STAG1: variants seen among roughly 807,000 people sequenced by gnomAD.
STAG1 encodes the protein STAG1 cohesin complex component.
A neutral mutation model predicts 170.9 loss-of-function variants in STAG1; 26 were observed. The observed-to-expected ratio is 0.15, with a 90% confidence interval of 0.11 to 0.21. The LOEUF is 0.21. Ranked by LOEUF, STAG1 falls within the 10% of genes least tolerant of loss-of-function variation. The probability of loss-of-function intolerance (pLI) is 1.00; values close to 1 mark genes in which losing one functional copy is unlikely to be tolerated. For missense variants in STAG1, 964 were observed against 1,509.5 expected, an observed-to-expected ratio of 0.64 and a Z score of 5.99; for synonymous variants, 514 against 497.7, an observed-to-expected ratio of 1.03 and a Z score of -0.44.
chr3:136,557,084 A>C (rs1936653390), intron 5 of STAG1, among the ~76,000 whole-genome samples: 1 of 151,886 alleles, frequency 6.6e-6, no homozygotes, highest in African/African-American at 2.4e-5. Flanking sequence ...ATCCCAAACA[A>C]TTAGCCAGGT....
chr3:136,701,329 T>C (rs1943053849), intron 1 of STAG1, among the ~76,000 whole-genome samples: 1 of 152,164 alleles, frequency 6.6e-6, no homozygotes, highest in East Asian at 1.9e-4. Context: ...AAACTGAATT[T>C]TATCCTTGAC....
chr3:136,562,392 C>A (rs951485481), intron 5 of STAG1, among the ~76,000 whole-genome samples: 2 of 151,806 alleles, frequency 1.3e-5, no homozygotes, highest in East Asian at 3.9e-4. Context: ...TCCCAAGCAG[C>A]TGGGATTACG....
intron 1 of STAG1, among the ~76,000 whole-genome samples, chr3:136,686,395 T>C (rs1057018691): frequency 2.0e-5 from 3 of 152,198 alleles, no homozygotes; most frequent in African/African-American, 7.2e-5. Flanking sequence ...ACAGTCAATG[T>C]CAGGGATCCA....
intron 23 of STAG1, among the ~76,000 whole-genome samples, chr3:136,372,836 T>C (rs1937418707): frequency 1.3e-5 from 2 of 152,224 alleles, no homozygotes. Flanking sequence ...CCGCCAGGCT[T>C]TGGTATCAGG....
chr3:136,534,046 T>C (rs900630622), intron 6 of STAG1, among the ~76,000 whole-genome samples: 1 of 152,170 alleles, frequency 6.6e-6, no homozygotes, highest in Non-Finnish European at 1.5e-5. Context: ...AAAGTATTGG[T>C]ATAAAAATAA....
intron 24 of STAG1, among the ~76,000 whole-genome samples, chr3:136,368,772 G>C (rs896451108): frequency 6.6e-5 from 10 of 152,182 alleles, no homozygotes; most frequent in Non-Finnish European, 1.5e-4. Context: ...AGTATTAAAG[G>C]AGGGAGACTT....
At chr3:136,536,031 A>T (rs1454041613) in intron 6 of STAG1, among the ~76,000 whole-genome samples, 1 of 152,212 alleles carries the variant, frequency 6.6e-6, no homozygotes, top group Non-Finnish European at 1.5e-5. Flanking sequence ...TCAAATTACC[A>T]GCATGTAAGT....
chr3:136,505,003 T>C (rs183874758), intron 7 of STAG1, among the ~76,000 whole-genome samples: 1 of 152,320 alleles, frequency 6.6e-6, no homozygotes, highest in African/African-American at 2.4e-5. Context: ...GATAAAATAT[T>C]TTTAAACCTG....
chr3:136,405,755 C>T (rs1249714900), intron 21 of STAG1, among the ~76,000 whole-genome samples: 3 of 119,054 alleles, frequency 2.5e-5, no homozygotes, highest in East Asian at 2.9e-4. Context: ...TGTGCCACTG[C>T]GCTCCAGCCT....
chr3:136,641,549 A>G (rs1274382285), intron 1 of STAG1, among the ~76,000 whole-genome samples: 1 of 152,216 alleles, frequency 6.6e-6, no homozygotes. Flanking sequence ...CCTGAATTTA[A>G]TCACAAGTAT....
At chr3:136,552,372 AC>A (rs1398526179) in intron 5 of STAG1, among the ~76,000 whole-genome samples, 7 of 152,236 alleles carry the variant, frequency 4.6e-5, no homozygotes, top group Non-Finnish European at 1.0e-4. Context: ...ATTTATATAT[AC>A]AAGTTCAGTT....
chr3:136,716,446 G>A, intron 1 of STAG1, among the ~76,000 whole-genome samples: 1 of 151,910 alleles, frequency 6.6e-6, no homozygotes. Flanking sequence ...CTGGGCGACA[G>A]AGCAAAACTC....
chr3:136,592,016 T>C (rs537923503), intron 4 of STAG1, among the ~76,000 whole-genome samples: 2 of 152,032 alleles, frequency 1.3e-5, no homozygotes, highest in Admixed American at 1.3e-4. Context: ...GAAAGAGAGG[T>C]AGTCCTGGGT....
At chr3:136,666,599 C>T (rs1250921277) in intron 1 of STAG1, among the ~76,000 whole-genome samples, 1 of 152,036 alleles carries the variant, frequency 6.6e-6, no homozygotes, top group Admixed American at 6.6e-5. Flanking sequence ...GGGTGGATCA[C>T]CTGAGGTCAG....
chr3:136,634,111 A>G (rs2107841068), intron 1 of STAG1, among the ~76,000 whole-genome samples: 1 of 151,734 alleles, frequency 6.6e-6, no homozygotes, highest in South Asian at 2.1e-4. Context: ...ACTGCACTCC[A>G]GTCTCGGTGA....
rs1050097675 is a variant in STAG1 at position 136,336,451 on chromosome 3, A to G, written c.*1803T>C. ...TTTTTGTGTGGCATGGTAGTCTACAATTCTGTCAGCATCTGTTTTCCATAC... is the reference window on the plus strand; with the variant it reads ...TTTTTGTGTGGCATGGTAGTCTACAGTTCTGTCAGCATCTGTTTTCCATAC... On this transcript the variant is annotated 3_prime_UTR_variant, in exon 34 of 34. Coordinates refer to ENST00000383202, the MANE Select transcript of STAG1 (RefSeq NM_005862.3). The G allele has an allele frequency of 9.9e-5, 15 of 152,256 alleles. No homozygotes were observed. Among genetic ancestry groups the G allele is most frequent in the African/African-American group, 3.6e-4 (15 of 41,468 alleles). 9.4% of individuals were successfully genotyped at this position (152,256 alleles called of 1,614,324 possible).
intron 1 of STAG1, among the ~76,000 whole-genome samples, chr3:136,674,868 G>A (rs1393056032): frequency 1.3e-5 from 2 of 152,088 alleles, no homozygotes; most frequent in African/African-American, 2.4e-5. Context: ...AAATTCTACA[G>A]CCAGCCCTGA....
intron 21 of STAG1, among the ~76,000 whole-genome samples, chr3:136,404,863 ATGTGTGTG>A (rs34596713): frequency 1.7e-4 from 26 of 148,996 alleles, no homozygotes; most frequent in Middle Eastern, 3.5e-3. Context: ...TTATGCATAT[ATGTGTGTG>A]TGTGTGTGTG....
chr3:136,391,579 G>C (rs868067742), intron 22 of STAG1, among the ~76,000 whole-genome samples: 2 of 152,224 alleles, frequency 1.3e-5, no homozygotes, highest in South Asian at 2.1e-4. Flanking sequence ...GTTTCACCAT[G>C]TTGGCCAGGA....
Sources: allele counts gnomAD v4.1 joint callset (sites outside exome capture counted in the v4.1 genomes callset), GRCh38; gene constraint gnomAD v4.1.1; transcripts MANE v1.5; gene names NCBI Gene and HGNC (gene_info 2026-07-23, HGNC 2026-07-21).